The following CCDC158 variants were observed in gnomAD, a reference collection of about 807,000 sequenced individuals.
CCDC158 encodes coiled-coil domain containing 158.
CCDC158 carries 116 observed loss-of-function variants against 138.6 expected under a neutral mutation model. The observed-to-expected ratio is 0.84, with a 90% CI of 0.72 to 0.98. The LOEUF (loss-of-function observed/expected upper bound fraction) is 0.98. Ranked by LOEUF, CCDC158 falls within the 50% of genes least tolerant of loss-of-function variation. The pLI is 0.00. For missense variants in CCDC158, 1,265 were observed against 1,306.1 expected, an observed-to-expected ratio of 0.97 and a Z score of 0.48; for synonymous variants, 436 against 442.4, an observed-to-expected ratio of 0.99 and a Z score of 0.18.
Position 76,353,227 on chromosome 4 carries a change from C to T in CCDC158, c.2341G>A (p.Val781Ile). ...KSKLSQELST[V>I]ATEKNKMAGE... The stretch of plus-strand genomic sequence containing the variant: ...GCCATCTTGTTTTTTTCTGTGGCAA[C>T]AGTACTCAATTCCTGACTGAGTTTA... The change falls in exon 16 of 25, where the codon GTT becomes ATT. Residue 781 changes from valine (V) to isoleucine (I), a missense_variant. Coordinates refer to ENST00000682701, the MANE Select transcript of CCDC158 (RefSeq NM_001394954.1). 1 of 1,613,456 alleles carries T rather than the reference C, an allele frequency of 6.2e-7. No homozygotes were observed. Among genetic ancestry groups the T allele is most frequent in the Non-Finnish European group, 8.5e-7 (1 of 1,179,684 alleles).
chr4:76,331,344 C>T lies in CCDC158; in HGVS notation c.2942G>A (p.Arg981Lys), dbSNP rs1720989378. The T allele has an allele frequency of 1.9e-6, 3 of 1,613,550 alleles. No individual in the cohort carries two copies. The highest frequency in any genetic ancestry group is 1.1e-5 in the South Asian group (1 of 91,070). ...GAAAATGGGGGCTGGTATTTCCTAC[C>T]TACTAAGAGTTTCACTTGATTTGCT... ...EGSKSSETLS[R>K]EPVTLHAGDR... Residue 981 changes from arginine to lysine, a missense_variant and splice_region_variant, in exon 21 of 25, where the codon AGA (arginine) becomes AAA (lysine). Transcript: ENST00000682701.
intron 16 of CCDC158, chr4:76,352,055 G>A: frequency 2.9e-6 from 1 of 344,386 alleles, no homozygotes; most frequent in Non-Finnish European, 5.2e-6. Flanking sequence ...AACAATGAAT[G>A]AACTAAGGAT....
At chr4:76,336,283 A>T (rs1177932760) in intron 18 of CCDC158, among the ~76,000 whole-genome samples, 1 of 151,600 alleles carries the variant, frequency 6.6e-6, no homozygotes, top group African/African-American at 2.4e-5. Flanking sequence ...CTTTATCCCA[A>T]TACTTACCTT....
Position 76,346,055 on chromosome 4 carries a change from G to A in CCDC158, c.2664+4941C>T, listed in dbSNP as rs181283777. On this transcript the variant is annotated intron_variant, in intron 18 of 24. Coordinates refer to ENST00000682701, the MANE Select transcript of CCDC158 (RefSeq NM_001394954.1). ...ACCAAAACAGATATATAGACCACTG[G>A]AACAGAACAGAGGCTTCAGAAATAA... Among the ~76,000 whole-genome samples, 416 of 152,198 alleles carry A rather than the reference G, an allele frequency of 2.7e-3. 2 individuals are homozygous for A. Among genetic ancestry groups the A allele is most frequent in the African/African-American group, 9.1e-3 (377 of 41,518 alleles).
chr4:76,347,133 T>A (rs1722630440), intron 18 of CCDC158, among the ~76,000 whole-genome samples: 1 of 152,154 alleles, frequency 6.6e-6, no homozygotes. Context: ...TCCTCAAGGA[T>A]CTAGAACCAG....
chr4:76,404,712 AAAAAT>A (rs1445768383), intron 2 of CCDC158, among the ~76,000 whole-genome samples: 49 of 152,254 alleles, frequency 3.2e-4, no homozygotes, highest in African/African-American at 9.6e-4. Flanking sequence ...CATGAGAATA[AAAAAT>A]AAAATAAAGA....
At chr4:76,413,226 CACT>C (rs1729430261) in intron 1 of CCDC158, among the ~76,000 whole-genome samples, 1 of 151,876 alleles carries the variant, frequency 6.6e-6, no homozygotes, top group Non-Finnish European at 1.5e-5. Context: ...GTAATCCCAG[CACT>C]TTGGGAGGCC....
intron 6 of CCDC158, 35 bp downstream of exon 6, chr4:76,384,051 AAT>A: frequency 3.0e-6 from 4 of 1,354,766 alleles, no homozygotes; most frequent in Non-Finnish European, 3.1e-6. Flanking sequence ...AATGCATTTT[AAT>A]ATAAAATTAT....
chr4:76,332,391 T>C (rs950057121), intron 20 of CCDC158, 41 bp downstream of exon 20: 3 of 1,505,466 alleles, frequency 2.0e-6, no homozygotes, highest in African/African-American at 2.8e-5. Flanking sequence ...TATAAAATAT[T>C]TGGACAATTA....
chr4:76,362,250 C>T lies in CCDC158; in HGVS notation c.1896G>A (p.Leu632=), dbSNP rs1344372755. ...ELEARVSDLE[L]EKVKLVNAGS... is the part of the protein sequence containing the mutation. The stretch of plus-strand genomic sequence containing the variant: ...CTGCATTCACCAGCTTCACCTTTTC[C>T]AGCTCCAAGTCACTCACTCTGGCCT... Residue 632 remains leucine, a synonymous_variant, in exon 13 of 25, where the codon CTG becomes CTA. Coordinates refer to ENST00000682701, the MANE Select transcript of CCDC158 (RefSeq NM_001394954.1). The T allele has an allele frequency of 6.2e-7, 1 of 1,614,022 alleles. No homozygotes were observed. Among genetic ancestry groups the T allele is most frequent in the Non-Finnish European group, 8.5e-7 (1 of 1,180,028 alleles).
At chr4:76,352,020 C>T (rs1421743825) in intron 16 of CCDC158, 9 of 431,092 alleles carry the variant, frequency 2.1e-5, no homozygotes, top group South Asian at 4.9e-5. Context: ...CCAGCAAATA[C>T]GTAACTTTTA....
chr4:76,367,521 G>A lies in CCDC158; in HGVS notation c.1603C>T (p.His535Tyr), dbSNP rs1264545484. Residue 535 changes from histidine (H) to tyrosine (Y), a missense_variant, in exon 12 of 25, where the codon CAC (histidine) becomes TAC (tyrosine). Transcript: ENST00000682701. ...AGATGATCCCCTTCATTTTTCAAGT[G>A]TTGCAGCTCCTGCAATTTCAAGTCC... ...RVDLKLQELQ[H>Y]LKNEGDHLRN... is the part of the protein sequence containing the mutation. The A allele has an allele frequency of 5.0e-6, 8 of 1,614,218 alleles. No individual in the cohort carries two copies. Among genetic ancestry groups the A allele is most frequent in the African/African-American group, 1.3e-5 (1 of 75,058 alleles).
intron 8 of CCDC158, among the ~76,000 whole-genome samples, chr4:76,379,859 G>A (rs1726067532): frequency 6.6e-6 from 1 of 152,006 alleles, no homozygotes; most frequent in South Asian, 2.1e-4. Context: ...CTGGTGGGAG[G>A]TGATTGGACT....
At chr4:76,362,396 G>A (rs541170382) in intron 12 of CCDC158, 81 bp from the exon 13 acceptor site, 1 of 996,944 alleles carries the variant, frequency 1.0e-6, no homozygotes, top group African/African-American at 1.6e-5. Context: ...TGCTAACACA[G>A]TCCTAAAATC....
chr4:76,332,258 T>C (rs1444007162), intron 20 of CCDC158, among the ~76,000 whole-genome samples, 174 bp downstream of exon 20: 1 of 152,284 alleles, frequency 6.6e-6, no homozygotes, highest in East Asian at 1.9e-4. Context: ...TTCTAGAAAC[T>C]AAATTACTTC....
In CCDC158 at chr4:76,331,208, C is replaced by A. The variant is rs188161731; in HGVS notation, c.2942+136G>T. The A allele has an allele frequency of 2.3e-3, 1,601 of 698,298 alleles. 3 individuals carry two copies. The highest frequency in any genetic ancestry group is 2.0e-3 in the Non-Finnish European group (827 of 411,780). 43.3% of individuals were successfully genotyped at this position (698,298 alleles called of 1,614,324 possible). ...ATTGTAAGCAACTTGAGGACAGAGC[C>A]CATATCTGTCTTGCTCACTATATTC... On this transcript the variant is annotated intron_variant, in intron 21 of 24. Coordinates refer to ENST00000682701, the MANE Select transcript of CCDC158 (RefSeq NM_001394954.1).
Position 76,351,285 on chromosome 4 carries a change from A to G in CCDC158, c.2539-164T>C, listed in dbSNP as rs145512823. 8.7e-3 allele frequency among the ~76,000 whole-genome samples: 1,288 copies of G among 148,310 alleles called. 18 individuals are homozygous for G. The highest frequency in any genetic ancestry group is 0.03 in the African/African-American group (1,229 of 41,252). On this transcript the variant is annotated intron_variant, in intron 17 of 24. Coordinates refer to ENST00000682701, the MANE Select transcript of CCDC158 (RefSeq NM_001394954.1). ...ACTTCTTAAAATAGACATATATTTCAGTGTAAAATGTACGATTTAAAAAAA... is the reference window on the plus strand; with the variant it reads ...ACTTCTTAAAATAGACATATATTTCGGTGTAAAATGTACGATTTAAAAAAA...
At chr4:76,314,346 A>G (rs1252457506) in intron 24 of CCDC158, among the ~76,000 whole-genome samples, 1 of 152,230 alleles carries the variant, frequency 6.6e-6, no homozygotes, top group African/African-American at 2.4e-5. Context: ...AAAACTCACA[A>G]TAGATGTGGA....
Position 76,344,627 on chromosome 4 carries a change from T to G in CCDC158, c.2664+6369A>C, listed in dbSNP as rs955386441. On this transcript the variant is annotated intron_variant, in intron 18 of 24. Transcript: ENST00000682701. ...TACCTGATGTGCTCAGTGAGAGAGA[T>G]AAAGTCAAATTTACAGTGCACACAA... 2.6e-6 allele frequency: 4 copies of G among 1,531,618 alleles called. No individual in the cohort carries two copies. In the African/African-American group the frequency reaches 4.1e-5, roughly 16 times the overall value. 94.9% of individuals were successfully genotyped at this position (1,531,618 alleles called of 1,614,324 possible). A position where few individuals can be genotyped will look rare whatever the true frequency, so the allele number is the denominator to read the frequency against.
Sources: allele counts gnomAD v4.1 joint callset (sites outside exome capture counted in the v4.1 genomes callset), GRCh38; gene constraint gnomAD v4.1.1; transcripts MANE v1.5; gene names NCBI Gene and HGNC (gene_info 2026-07-23, HGNC 2026-07-21).